Variants in SPMIP4 observed in about 807,000 individuals in gnomAD.
The protein encoded by SPMIP4 is sperm microtubule inner protein 4.
the SPMIP4 span, among the ~76,000 whole-genome samples, chr7:25,148,477 C>CTTTTTTTTTTTT: frequency 3.0e-4 from 39 of 128,174 alleles, 2 homozygotes; most frequent in African/African-American, 9.4e-4. Context: ...GAATCTGCCT[C>CTTTTTTTTTTTT]TTTTTTTTTT....
chr7:25,134,723 T>A, the SPMIP4 span: 1 of 984,940 alleles, frequency 1.0e-6, no homozygotes, highest in Non-Finnish European at 1.2e-6. Context: ...CCTTCCAAAG[T>A]TTATTATTTG....
chr7:25,125,783 G>A, the SPMIP4 span: 157 of 364,588 alleles, frequency 4.3e-4, no homozygotes, highest in Non-Finnish European at 5.8e-4. Context: ...CTACTACCAC[G>A]GCTGGCGCCA....
the SPMIP4 span, chr7:25,180,327 G>A: frequency 8.0e-4 from 122 of 152,480 alleles, no homozygotes; most frequent in African/African-American, 2.8e-3. Context: ...GGAGTGCGAG[G>A]CGCCGGGTCG....
At chr7:25,139,009 G>C in the SPMIP4 span, among the ~76,000 whole-genome samples, 166 of 152,324 alleles carry the variant, frequency 1.1e-3, 1 homozygote, top group South Asian at 0.033. Context: ...AGAGGATGCA[G>C]CTGACTGGGA....
the SPMIP4 span, among the ~76,000 whole-genome samples, chr7:25,174,798 C>T: frequency 6.6e-6 from 1 of 152,238 alleles, no homozygotes; most frequent in Non-Finnish European, 1.5e-5. This position sits in a 1 kb window ranked among gnomAD's most constrained non-coding sequence, Gnocchi z 4.5. Context: ...GGATAGGAAT[C>T]TTGATGATTT....
the SPMIP4 span, among the ~76,000 whole-genome samples, chr7:25,145,580 A>G: frequency 3.9e-5 from 6 of 152,188 alleles, no homozygotes; most frequent in African/African-American, 1.2e-4. Context: ...GGTACAGTTT[A>G]TATCTGATAT....
At chr7:25,143,532 T>C in the SPMIP4 span, among the ~76,000 whole-genome samples, 1 of 149,748 alleles carries the variant, frequency 6.7e-6, no homozygotes, top group East Asian at 1.9e-4. Context: ...GAAACACAAA[T>C]GACAAAAAGA....
chr7:25,138,595 T>C, the SPMIP4 span, among the ~76,000 whole-genome samples: 11 of 152,152 alleles, frequency 7.2e-5, no homozygotes, highest in Non-Finnish European at 1.3e-4. This position sits in a 1 kb window ranked among gnomAD's most constrained non-coding sequence, Gnocchi z 6.2. Flanking sequence ...GAGTTAATAC[T>C]CCACAGTCAC....
the SPMIP4 span, among the ~76,000 whole-genome samples, chr7:25,169,030 G>A: frequency 6.6e-6 from 1 of 151,364 alleles, no homozygotes; most frequent in East Asian, 2.0e-4. Context: ...ATCTGCCCAT[G>A]TGTTTATTTT....
chr7:25,152,171 C>A, the SPMIP4 span, among the ~76,000 whole-genome samples: 2 of 151,798 alleles, frequency 1.3e-5, no homozygotes, highest in Non-Finnish European at 3.0e-5. Flanking sequence ...TTTTTTCTGG[C>A]CTCTGGGGGC....
chr7:25,171,304 C>G, the SPMIP4 span, among the ~76,000 whole-genome samples: 1 of 152,148 alleles, frequency 6.6e-6, no homozygotes, highest in South Asian at 2.1e-4. Flanking sequence ...CTGTTGTAAC[C>G]TTTACCCCAG....
chr7:25,152,717 T>TCCTC, the SPMIP4 span, among the ~76,000 whole-genome samples: 14 of 150,470 alleles, frequency 9.3e-5, no homozygotes, highest in African/African-American at 3.4e-4. Flanking sequence ...CTCTTCCTTT[T>TCCTC]CCTCCCTCCC....
the SPMIP4 span, among the ~76,000 whole-genome samples, chr7:25,140,447 A>G: frequency 8.5e-5 from 13 of 152,122 alleles, no homozygotes; most frequent in Non-Finnish European, 1.6e-4. Context: ...GACTACAGGC[A>G]TGTGCCACCA....
At chr7:25,136,901 T>C in the SPMIP4 span, 5 of 1,085,732 alleles carry the variant, frequency 4.6e-6, no homozygotes, top group Non-Finnish European at 5.3e-6. The surrounding 1 kb of genome is among the most constrained non-coding windows in gnomAD (Gnocchi z 5.7). Context: ...GAGATGGGCA[T>C]AGGAGTGTAC....
the SPMIP4 span, among the ~76,000 whole-genome samples, chr7:25,163,233 C>T: frequency 1.3e-5 from 2 of 152,076 alleles, no homozygotes; most frequent in African/African-American, 2.4e-5. This position sits in a 1 kb window ranked among gnomAD's most constrained non-coding sequence, Gnocchi z 4.4. Flanking sequence ...AACAATGTAC[C>T]CATTGAAAAT....
At chr7:25,142,656 G>A in the SPMIP4 span, 1 of 1,612,300 alleles carries the variant, frequency 6.2e-7, no homozygotes, top group Non-Finnish European at 8.5e-7. Context: ...AATCATGAGT[G>A]TACGAAGTGA....
chr7:25,169,725 C>T, the SPMIP4 span, among the ~76,000 whole-genome samples: 2 of 152,246 alleles, frequency 1.3e-5, no homozygotes, highest in Non-Finnish European at 2.9e-5. Context: ...CAGGTGCCCA[C>T]CACCACGCCT....
chr7:25,146,795 A>G, the SPMIP4 span, among the ~76,000 whole-genome samples: 1 of 152,352 alleles, frequency 6.6e-6, no homozygotes, highest in African/African-American at 2.4e-5. Flanking sequence ...AACATTTCAA[A>G]AAGTCCAAAG....
the SPMIP4 span, among the ~76,000 whole-genome samples, chr7:25,127,008 A>T: frequency 1.3e-5 from 2 of 151,800 alleles, no homozygotes. Context: ...ATGTAATGCC[A>T]CTCCCTCCCG....
Sources: gnomAD v4.1 joint callset for allele counts (sites outside exome capture counted in the v4.1 genomes callset) on GRCh38, gnomAD v4.1.1 for gene constraint, Gnocchi (gnomAD v3.1) non-coding constraint, MANE v1.5 for transcripts, NCBI Gene and HGNC (gene_info 2026-07-23, HGNC 2026-07-21) for gene names.